The following FAAH2 variants were observed in gnomAD, a reference collection of about 807,000 sequenced individuals.
FAAH2 encodes the protein fatty-acid amide hydrolase 2.
Under a neutral mutation model 36.9 loss-of-function variants are expected in FAAH2, and 60 were observed. The ratio of observed to expected loss-of-function variants is 1.63; its 90% confidence interval spans 1.32 to 2.02. The LOEUF (loss-of-function observed/expected upper bound fraction) is 2.02. Among genes scored for constraint, FAAH2 ranks in the 30% most tolerant of loss-of-function variants. The probability of loss-of-function intolerance (pLI) is 0.00; values close to 1 mark genes in which losing one functional copy is unlikely to be tolerated. For synonymous variants in FAAH2, 214 were observed against 143.8 expected (o/e 1.49, Z -3.49); for missense variants, 689 against 397.5 (o/e 1.73, Z -6.23).
intron 8 of FAAH2, among the ~76,000 whole-genome samples, chrX:57,443,732 C>T: frequency 8.9e-6 from 1 of 111,758 alleles, no homozygotes; most frequent in Non-Finnish European, 1.9e-5. Flanking sequence ...GGTTTCTCCC[C>T]ATCTTTGTGG....
intron 10 of FAAH2, among the ~76,000 whole-genome samples, chrX:57,473,888 G>A (rs2057215039): frequency 9.0e-6 from 1 of 110,920 alleles, no homozygotes; most frequent in Non-Finnish European, 1.9e-5. Context: ...GTTTTACTTT[G>A]AGTCTCATTG....
intron 4 of FAAH2, among the ~76,000 whole-genome samples, chrX:57,334,887 A>C (rs371486987): frequency 9.9e-5 from 11 of 111,574 alleles, no homozygotes; most frequent in Admixed American, 9.5e-4. Flanking sequence ...TTAGCCTCCC[A>C]CACAATTATA....
chrX:57,258,565 C>CA, the FAAH2 span, among the ~76,000 whole-genome samples: 1 of 110,671 alleles, frequency 9.0e-6, no homozygotes, highest in African/African-American at 3.3e-5. Flanking sequence ...GGTTAATATT[C>CA]AAAAAATATG....
the FAAH2 span, among the ~76,000 whole-genome samples, chrX:57,149,647 T>C: frequency 9.0e-6 from 1 of 111,535 alleles, no homozygotes; most frequent in Non-Finnish European, 1.9e-5. Flanking sequence ...TTCTTCTCTC[T>C]TTTCTTCTTT....
At chrX:57,357,530 T>A (rs2054188057) in intron 5 of FAAH2, among the ~76,000 whole-genome samples, 1 of 111,665 alleles carries the variant, frequency 9.0e-6, no homozygotes, top group Non-Finnish European at 1.9e-5. Flanking sequence ...GCAAAGGATA[T>A]GAATAGAGAC....
chrX:57,285,908 G>C (rs965747096), upstream of FAAH2, among the ~76,000 whole-genome samples: 1 of 112,134 alleles, frequency 8.9e-6, no homozygotes. Context: ...ATTTGTAGAA[G>C]TTCATGTAAA....
chrX:57,284,928 T>A (rs188017113), upstream of FAAH2, among the ~76,000 whole-genome samples: 1 of 112,179 alleles, frequency 8.9e-6, no homozygotes, highest in Non-Finnish European at 1.9e-5. Context: ...GTCTGTCTGG[T>A]CAGAGCCCAA....
At chrX:57,428,450 AG>A (rs1032709869) in intron 7 of FAAH2, among the ~76,000 whole-genome samples, 2 of 112,041 alleles carry the variant, frequency 1.8e-5, no homozygotes, top group African/African-American at 3.2e-5. Flanking sequence ...CCTATGCAAA[AG>A]GAACTAAGTC....
At chrX:57,305,573 G>T (rs1193879215) in intron 2 of FAAH2, among the ~76,000 whole-genome samples, 1 of 111,352 alleles carries the variant, frequency 9.0e-6, no homozygotes, top group Non-Finnish European at 1.9e-5. Context: ...TTTTGCAAAA[G>T]CCAAAGGATA....
At chrX:57,348,500 G>T (rs992168651) in intron 5 of FAAH2, among the ~76,000 whole-genome samples, 1 of 110,931 alleles carries the variant, frequency 9.0e-6, no homozygotes, top group Non-Finnish European at 1.9e-5. Flanking sequence ...GGCCCACCTG[G>T]AACCACCAAT....
intron 7 of FAAH2, among the ~76,000 whole-genome samples, chrX:57,390,058 C>A (rs2055128766): frequency 9.0e-6 from 1 of 110,661 alleles, no homozygotes; most frequent in African/African-American, 3.3e-5. Flanking sequence ...CTGATAAGTT[C>A]TATGAATTCC....
Position 57,331,498 on chromosome X carries a change from G to A in FAAH2, c.413-100G>A, listed in dbSNP as rs964230204. On this transcript the variant is annotated intron_variant, in intron 3 of 10. Transcript: ENST00000374900. The stretch of plus-strand genomic sequence containing the variant: ...AATGCCCCAACCCTTTGTGGGAGAT[G>A]TTCCTTCTGGCTACATCTAGTTGGC... 4 of 650,420 alleles carry A rather than the reference G, an allele frequency of 6.1e-6. No individual in the cohort carries two copies. The Admixed American group carries it at 1.3e-4, about 22-fold the overall frequency. The allele number at this position is 650,420 out of a possible 1,213,427, so 53.6% of individuals were successfully genotyped here.
At chrX:57,461,103 A>G (rs1157303471) in intron 10 of FAAH2, among the ~76,000 whole-genome samples, 3 of 109,064 alleles carry the variant, frequency 2.8e-5, no homozygotes, top group African/African-American at 9.9e-5. Flanking sequence ...AGAGCTAACT[A>G]TCCTAAACAT....
chrX:57,432,751 G>A (rs2056329931), intron 8 of FAAH2, among the ~76,000 whole-genome samples: 1 of 111,353 alleles, frequency 9.0e-6, no homozygotes, highest in African/African-American at 3.3e-5. Flanking sequence ...GAATATTTGT[G>A]TTAGAGCATG....
intron 7 of FAAH2, among the ~76,000 whole-genome samples, chrX:57,424,999 G>A (rs750326618): frequency 1.8e-5 from 2 of 108,566 alleles, no homozygotes. Flanking sequence ...ATCAATTAAG[G>A]ATATAAGTGA....
At chrX:57,221,105 C>T in the FAAH2 span, among the ~76,000 whole-genome samples, 1 of 111,089 alleles carries the variant, frequency 9.0e-6, no homozygotes, top group Non-Finnish European at 1.9e-5. Context: ...GTCTCCAAAC[C>T]TCGAGTCCCC....
At chrX:57,296,724 G>A (rs1043364602) in intron 2 of FAAH2, among the ~76,000 whole-genome samples, 1 of 111,209 alleles carries the variant, frequency 9.0e-6, no homozygotes, top group Non-Finnish European at 1.9e-5. Context: ...TAGATGAATG[G>A]CTAACTACAA....
the FAAH2 span, among the ~76,000 whole-genome samples, chrX:57,228,356 C>A: frequency 2.7e-5 from 3 of 111,241 alleles, no homozygotes; most frequent in South Asian, 1.2e-3. Context: ...CTGGGTTTGG[C>A]TCTCTAACTT....
chrX:57,319,421 A>G (rs5914079), intron 3 of FAAH2, among the ~76,000 whole-genome samples: 40,134 of 110,679 alleles, frequency 0.36, 6,239 homozygotes, highest in Middle Eastern at 0.62. Flanking sequence ...CCCATTCACA[A>G]TTGCTACAAA....
Sources: allele counts gnomAD v4.1 joint callset (sites outside exome capture counted in the v4.1 genomes callset), GRCh38; gene constraint gnomAD v4.1.1; transcripts MANE v1.5; gene names NCBI Gene and HGNC (gene_info 2026-07-23, HGNC 2026-07-21).